Variants in PWWP3A observed in about 807,000 individuals in gnomAD.
PWWP3A encodes PWWP domain containing 3A, DNA repair factor.
Under a neutral mutation model 79.0 loss-of-function variants are expected in PWWP3A, and 53 were observed. That is an observed-to-expected ratio of 0.67 (90% CI 0.54 to 0.84). PWWP3A has a LOEUF of 0.84. PWWP3A is among the 40% of genes least tolerant of loss of function. PWWP3A has a pLI of 0.00. For missense variants in PWWP3A, 973 were observed against 948.0 expected, an observed-to-expected ratio of 1.03 and a Z score of -0.35; for synonymous variants, 443 against 394.4, an observed-to-expected ratio of 1.12 and a Z score of -1.46.
Position 1,360,427 on chromosome 19 carries a change from A to G in PWWP3A, c.506A>G (p.Asp169Gly). Residue 169 changes from aspartate to glycine, a missense_variant, in exon 5 of 14, where the codon GAC (aspartate) becomes GGC (glycine). Physicochemically the swap from Asp to Gly is moderately conservative, Grantham distance 94. Coordinates refer to ENST00000591337, the MANE Select transcript of PWWP3A (RefSeq NM_001369789.1). This position sits in a 1 kb window ranked among gnomAD's most constrained non-coding sequence, Gnocchi z 4.4. ...SLSSSFTCEK[D>G]PECKVDHKKG... ...TCAAGTTCGTTCACTTGTGAAAAGG[A>G]CCCCGAGTGCAAAGTGGACCACAAG... 1 of 1,614,014 alleles carries G rather than the reference A, an allele frequency of 6.2e-7. No individual in the cohort carries two copies.
chr19:1,372,102 CCA>C (rs1167890299), intron 12 of PWWP3A: 1 of 152,258 alleles, frequency 6.6e-6, no homozygotes, highest in Non-Finnish European at 1.5e-5. Context: ...CCACTCCCGG[CCA>C]CAGTTTTTTT....
chr19:1,374,188 T>A (rs2082317896), intron 13 of PWWP3A: 1 of 147,646 alleles, frequency 6.8e-6, no homozygotes, highest in South Asian at 2.2e-4. Flanking sequence ...TTCATCCTGA[T>A]TTTTTTTTTT....
chr19:1,361,053 A>G, intron 5 of PWWP3A, 21 bp downstream of exon 5: 1 of 1,423,358 alleles, frequency 7.0e-7, no homozygotes, highest in Non-Finnish European at 9.2e-7. Context: ...CTCGTGGAGG[A>G]GGAGAGCGCA....
intron 7 of PWWP3A, 135 bp downstream of exon 7, chr19:1,364,714 G>A: frequency 4.9e-6 from 4 of 820,496 alleles, no homozygotes; most frequent in Non-Finnish European, 7.5e-6. Context: ...GGAAAAGTTG[G>A]TGGGTTTTTA....
chr19:1,366,725 CT>C (rs2082136811), intron 8 of PWWP3A, among the ~76,000 whole-genome samples: 1 of 152,266 alleles, frequency 6.6e-6, no homozygotes, highest in Non-Finnish European at 1.5e-5. Context: ...GACAGCATCC[CT>C]GCGTCCACCT....
At chr19:1,374,618 G>A (rs971609865) in intron 13 of PWWP3A, among the ~76,000 whole-genome samples, 4 of 152,204 alleles carry the variant, frequency 2.6e-5, no homozygotes, top group African/African-American at 4.8e-5. Flanking sequence ...GCCAGCAGCC[G>A]TTGTTGATCT....
Position 1,370,783 on chromosome 19 carries a change from C to T in PWWP3A, c.1691C>T (p.Ser564Leu), listed in dbSNP as rs1355811272. 1.2e-5 allele frequency: 19 copies of T among 1,543,066 alleles called. No homozygotes were observed. The highest frequency in any genetic ancestry group is 9.6e-5 in the East Asian group (4 of 41,676). The change falls in exon 12 of 14, where the codon TCG (serine) becomes TTG (leucine). Residue 564 changes from serine to leucine, a missense_variant. Ser to Leu is a moderately radical substitution (Grantham distance 145, BLOSUM62 -2). Transcript: ENST00000591337. Reference sequence around the variant, plus strand: ...TGCCGGAAAATGCTCCCCGACCGCTCGCGGGCCGCCCGGGACCGGGCCAAC... The same window carrying T: ...TGCCGGAAAATGCTCCCCGACCGCTTGCGGGCCGCCCGGGACCGGGCCAAC... Reference protein sequence around the residue: ...QPCRKMLPDRSRAARDRANQK... With the variant: ...QPCRKMLPDRLRAARDRANQK...
Position 1,360,959 on chromosome 19 carries a change from C to T in PWWP3A, c.1038C>T (p.Gly346=). ...SVTPRSTARL[G]PPPSHASADA... is the part of the protein sequence containing the mutation. ...CCCCGCGCAGCACCGCCAGGCTGGG[C>T]CCGCCTCCCTCCCACGCCTCTGCGG... Residue 346 remains glycine, a synonymous_variant, in exon 5 of 14, where the codon GGC becomes GGT. Coordinates refer to ENST00000591337, the MANE Select transcript of PWWP3A (RefSeq NM_001369789.1). The surrounding 1 kb of genome is among the most constrained non-coding windows in gnomAD (Gnocchi z 4.4). 1 of 1,478,224 alleles carries T rather than the reference C, an allele frequency of 6.8e-7. No individual in the cohort carries two copies. Among genetic ancestry groups the T allele is most frequent in the Non-Finnish European group, 9.0e-7 (1 of 1,114,666 alleles). The allele number at this position is 1,478,224 out of a possible 1,614,324, so 91.6% of individuals were successfully genotyped here. A position where few individuals can be genotyped will look rare whatever the true frequency, so the allele number is the denominator to read the frequency against.
At chr19:1,375,585 G>GTGTATATTATATATAAAA (rs2082363307) in intron 13 of PWWP3A, among the ~76,000 whole-genome samples, 1 of 12,466 alleles carries the variant, frequency 8.0e-5, no homozygotes, top group Non-Finnish European at 2.0e-4. Flanking sequence ...TATATAAAAT[G>GTGTATATTATATATAAAA]TATAATTTTA....
At position 1,356,449 on chromosome 19, in the gene PWWP3A, G is replaced by C. The variant is rs1404982754; in HGVS notation, c.57G>C (p.Lys19Asn). The C allele has an allele frequency of 6.2e-7, 1 of 1,614,102 alleles. No individual in the cohort carries two copies. Among genetic ancestry groups the C allele is most frequent in the South Asian group, 1.1e-5 (1 of 91,080 alleles). Residue 19 changes from lysine (K) to asparagine (N), a missense_variant and splice_region_variant, in exon 2 of 14, where the codon AAG becomes AAC. Lys to Asn is a moderately conservative substitution (Grantham distance 94). Transcript: ENST00000591337. ...CRWEKRLWPA[K>N]VLARTATSTK... ...GGGAAAAGCGATTATGGCCTGCGAA[G>C]GTGACAGCCATTATTCTGTAACTTC...
Position 1,364,068 on chromosome 19 carries a change from C to T in PWWP3A, c.1214-441C>T, listed in dbSNP as rs919705043. 27 of 473,676 alleles carry T rather than the reference C, an allele frequency of 5.7e-5. No homozygotes were observed. The Admixed American group carries it at 6.2e-4, about 11-fold the overall frequency. The allele number at this position is 473,676 out of a possible 1,614,324, so 29.3% of individuals were successfully genotyped here. A position where few individuals can be genotyped will look rare whatever the true frequency, so the allele number is the denominator to read the frequency against. ...ATTTTTGACTGTAGTTTCCCAGAAT[C>T]CTCTTTAGAATCTCAGTCCTTGTGT... On this transcript the variant is annotated intron_variant, in intron 6 of 13. Transcript: ENST00000591337.
Position 1,360,575 on chromosome 19 carries a change from A to G in PWWP3A, c.654A>G (p.Gly218=), listed in dbSNP as rs765789137. The change falls in exon 5 of 14, where the codon GGA becomes GGG. Residue 218 remains glycine, a synonymous_variant. Coordinates refer to ENST00000591337, the MANE Select transcript of PWWP3A (RefSeq NM_001369789.1). The surrounding 1 kb of genome is among the most constrained non-coding windows in gnomAD (Gnocchi z 4.4). The part of the protein sequence containing the change: ...HKNWTLASKR[G]GNSAQKASLC... The stretch of plus-strand genomic sequence containing the variant: ...ATTGGACTCTTGCAAGTAAGAGGGG[A>G]GGAAACTCAGCGCAGAAGGCTAGCT... 1.9e-5 allele frequency: 30 copies of G among 1,614,180 alleles called. No individual in the cohort carries two copies. Among genetic ancestry groups the G allele is most frequent in the Non-Finnish European group, 2.5e-5 (29 of 1,180,030 alleles).
chr19:1,375,680 T>TTATAATATATAAAACAATTTAATA (rs2082370069), intron 13 of PWWP3A, among the ~76,000 whole-genome samples: 1 of 141,682 alleles, frequency 7.1e-6, no homozygotes, highest in African/African-American at 2.6e-5. Context: ...ATGTACAATT[T>TTATAATATATAAAACAATTTAATA]TATAATATAT....
chr19:1,360,505 G>C lies in PWWP3A; in HGVS notation c.584G>C (p.Gly195Ala). The C allele has an allele frequency of 6.2e-7, 1 of 1,614,222 alleles. No individual in the cohort carries two copies. The highest frequency in any genetic ancestry group is 8.5e-7 in the Non-Finnish European group (1 of 1,180,044). Residue 195 changes from glycine to alanine, a missense_variant, in exon 5 of 14, where the codon GGA (glycine) becomes GCA (alanine). Physicochemically the swap from Gly to Ala is moderately conservative, Grantham distance 60 (BLOSUM62 0). Transcript: ENST00000591337. This position sits in a 1 kb window ranked among gnomAD's most constrained non-coding sequence, Gnocchi z 4.4. ...NPRGPLVLPA[G>A]GGAQDESGSR... ...AGAGGCCCGTTGGTCCTCCCAGCTG[G>C]AGGTGGTGCCCAAGATGAGAGTGGG... is the stretch of plus-strand genomic sequence containing the variant.
At chr19:1,376,313 T>TG (rs2082398624) in intron 13 of PWWP3A, among the ~76,000 whole-genome samples, 1 of 127,640 alleles carries the variant, frequency 7.8e-6, no homozygotes, top group Non-Finnish European at 1.7e-5. Flanking sequence ...TTTTGTTTGT[T>TG]TTTTTTTTTT....
In PWWP3A at chr19:1,369,453, C is replaced by A; in HGVS notation, c.1498+113C>A. 1.3e-6 allele frequency: 2 copies of A among 1,482,192 alleles called. No homozygotes were observed. Among genetic ancestry groups the A allele is most frequent in the Non-Finnish European group, 1.9e-6 (2 of 1,063,636 alleles). 91.8% of individuals were successfully genotyped at this position (1,482,192 alleles called of 1,614,324 possible). On this transcript the variant is annotated intron_variant, in intron 10 of 13. Coordinates refer to ENST00000591337, the MANE Select transcript of PWWP3A (RefSeq NM_001369789.1). This position sits in a 1 kb window ranked among gnomAD's most constrained non-coding sequence, Gnocchi z 4.0. ...GGAGGCGGGGCATATTTCCGTGGGC[C>A]TGGGGCATTCCCTGTGGGTGGGCTG... is the stretch of plus-strand genomic sequence containing the variant.
chr19:1,375,221 C>CAA (rs397793345), intron 13 of PWWP3A, among the ~76,000 whole-genome samples: 56 of 130,688 alleles, frequency 4.3e-4, no homozygotes, highest in South Asian at 3.3e-3. Flanking sequence ...GACTCCGTTT[C>CAA]AAAAAAAAAA....
chr19:1,375,656 ATATT>A (rs1199906149), intron 13 of PWWP3A, among the ~76,000 whole-genome samples: 4 of 107,408 alleles, frequency 3.7e-5, no homozygotes, highest in Non-Finnish European at 5.7e-5. Context: ...ATAATTGTAT[ATATT>A]ATATATAAAA....
In PWWP3A at chr19:1,369,555, C is replaced by G. The variant is rs1168882930; in HGVS notation, c.1499-41C>G. 12 of 1,612,108 alleles carry G rather than the reference C, an allele frequency of 7.4e-6. No individual in the cohort carries two copies. Among genetic ancestry groups the G allele is most frequent in the Non-Finnish European group, 1.0e-5 (12 of 1,178,184 alleles). On this transcript the variant is annotated intron_variant, in intron 10 of 13. Transcript: ENST00000591337. This position sits in a 1 kb window ranked among gnomAD's most constrained non-coding sequence, Gnocchi z 4.0. The stretch of plus-strand genomic sequence containing the variant: ...CTGGAACACACTTCCTGGGACTCCT[C>G]TTAGGTCTACACAGTGCTCTCTCCC...
Sources: allele counts gnomAD v4.1 joint callset (sites outside exome capture counted in the v4.1 genomes callset), GRCh38; gene constraint gnomAD v4.1.1; non-coding constraint Gnocchi (gnomAD v3.1); transcripts MANE v1.5; gene names NCBI Gene and HGNC (gene_info 2026-07-23, HGNC 2026-07-21).